The following DYNC1I2 variants were observed in gnomAD, a reference collection of about 807,000 sequenced individuals.
DYNC1I2 encodes the protein cytoplasmic dynein 1 intermediate chain 2.
A neutral mutation model predicts 88.6 loss-of-function variants in DYNC1I2; 53 were observed. That is an observed-to-expected ratio of 0.60 (90% confidence interval 0.48 to 0.75). The LOEUF is 0.75. Ranked by LOEUF, DYNC1I2 falls within the 30% of genes least tolerant of loss-of-function variation. The pLI, the probability that DYNC1I2 is intolerant of heterozygous loss-of-function variation, is 0.00. For missense variants in DYNC1I2, 458 were observed against 766.6 expected (o/e 0.60, Z 4.75); for synonymous variants, 198 against 254.6 (o/e 0.78, Z 2.12).
intron 3 of DYNC1I2, among the ~76,000 whole-genome samples, chr2:171,702,710 A>G (rs1017178678): frequency 4.0e-5 from 6 of 151,702 alleles, no homozygotes; most frequent in African/African-American, 1.2e-4. Context: ...CAAACCTCTC[A>G]TAACTTTTCT....
In DYNC1I2 at chr2:171,749,585, AC is replaced by A. The variant is rs537280174; in HGVS notation, c.*1697del. ...GTAAAAATGACTAAAAGTAGGGAAA[AC>A]AAGTGTTAAAACATAATGGATAAGA... On this transcript the variant is annotated 3_prime_UTR_variant, in exon 18 of 18. Coordinates refer to ENST00000397119, the MANE Select transcript of DYNC1I2 (RefSeq NM_001378.3). Among the ~76,000 whole-genome samples, 46 of 152,278 alleles carry A rather than the reference AC, an allele frequency of 3.0e-4. No individual in the cohort carries two copies. In the East Asian group the frequency reaches 6.7e-3, roughly 22 times the overall value.
chr2:171,711,004 G>A (rs1310675951), intron 5 of DYNC1I2, among the ~76,000 whole-genome samples: 5 of 151,198 alleles, frequency 3.3e-5, no homozygotes, highest in African/African-American at 7.3e-5. Context: ...GTCTCCTAAT[G>A]CTATCCCTCC....
At chr2:171,725,430 T>G (rs1482727105) in intron 7 of DYNC1I2, among the ~76,000 whole-genome samples, 188 bp from the exon 8 acceptor site, 1 of 152,138 alleles carries the variant, frequency 6.6e-6, no homozygotes, top group African/African-American at 2.4e-5. Flanking sequence ...ACTATTTGAT[T>G]ATGTTGATAA....
intron 7 of DYNC1I2, among the ~76,000 whole-genome samples, chr2:171,722,241 C>T (rs1687948603): frequency 6.6e-6 from 1 of 152,130 alleles, no homozygotes; most frequent in African/African-American, 2.4e-5. Flanking sequence ...AACAGCTTTT[C>T]TTTCTGTCTC....
intron 3 of DYNC1I2, among the ~76,000 whole-genome samples, chr2:171,698,609 C>A (rs1188868113): frequency 6.6e-6 from 1 of 152,078 alleles, no homozygotes; most frequent in Non-Finnish European, 1.5e-5. Flanking sequence ...GTGGCTCACA[C>A]CTGTAATCCC....
intron 17 of DYNC1I2, among the ~76,000 whole-genome samples, chr2:171,747,531 TTC>T (rs1362725351): frequency 1.3e-5 from 2 of 152,168 alleles, no homozygotes; most frequent in African/African-American, 4.8e-5. Context: ...ATCATTGTTA[TTC>T]TCTCTTGCAT....
chr2:171,717,375 A>C (rs2105618453), intron 7 of DYNC1I2, among the ~76,000 whole-genome samples: 1 of 152,226 alleles, frequency 6.6e-6, no homozygotes, highest in East Asian at 1.9e-4. Flanking sequence ...TCGGCCTCCC[A>C]AAGTGCTGGG....
chr2:171,725,718 C>G lies in DYNC1I2; in HGVS notation c.607+5C>G. ...ATGAGGAAAATGATAGTAAAGGTAT[C>G]TTAAGGAATTAAACTTTAAAACATT... On this transcript the variant is annotated splice_donor_5th_base_variant and intron_variant, in intron 8 of 17. Transcript: ENST00000397119. 1 of 1,524,758 alleles carries G rather than the reference C, an allele frequency of 6.6e-7. No homozygotes were observed. The allele number at this position is 1,524,758 out of a possible 1,614,324, so 94.5% of individuals were successfully genotyped here.
chr2:171,727,594 T>C (rs1688336067), intron 11 of DYNC1I2, among the ~76,000 whole-genome samples: 1 of 152,162 alleles, frequency 6.6e-6, no homozygotes, highest in South Asian at 2.1e-4. Flanking sequence ...TAAACCTACT[T>C]AATAGTAAAC....
intron 3 of DYNC1I2, among the ~76,000 whole-genome samples, chr2:171,697,856 GAAA>G (rs202238508): frequency 2.3e-4 from 3 of 13,290 alleles, no homozygotes; most frequent in Non-Finnish European, 5.5e-4. Context: ...CCTATCTCAA[GAAA>G]AGAAAAGAAA....
At chr2:171,733,177 T>G (rs1220969045) in intron 15 of DYNC1I2, among the ~76,000 whole-genome samples, 1 of 152,236 alleles carries the variant, frequency 6.6e-6, no homozygotes, top group Non-Finnish European at 1.5e-5. Flanking sequence ...ATGATCTCAT[T>G]CCTTCTTATG....
At chr2:171,695,808 C>T (rs1685727702) in intron 3 of DYNC1I2, among the ~76,000 whole-genome samples, 1 of 149,054 alleles carries the variant, frequency 6.7e-6, no homozygotes, top group Non-Finnish European at 1.5e-5. Flanking sequence ...CAAAGTTTAC[C>T]CGCCCGCTAC....
At chr2:171,742,166 AT>A (rs1043821888) in intron 15 of DYNC1I2, among the ~76,000 whole-genome samples, 1 of 150,666 alleles carries the variant, frequency 6.6e-6, no homozygotes, top group African/African-American at 2.4e-5. Flanking sequence ...ATCCAACTTT[AT>A]TTTTTTTATT....
intron 7 of DYNC1I2, among the ~76,000 whole-genome samples, chr2:171,717,549 G>A (rs558140134): frequency 8.5e-5 from 13 of 152,198 alleles, no homozygotes; most frequent in Non-Finnish European, 1.6e-4. Flanking sequence ...CACACTGATG[G>A]TAAACTTGCT....
intron 3 of DYNC1I2, among the ~76,000 whole-genome samples, chr2:171,701,362 G>T (rs766008566): frequency 6.6e-6 from 1 of 152,090 alleles, no homozygotes; most frequent in Non-Finnish European, 1.5e-5. Flanking sequence ...TAGAGACGGG[G>T]TTTCACCATG....
intron 3 of DYNC1I2, among the ~76,000 whole-genome samples, chr2:171,706,034 T>C (rs1686655388): frequency 6.6e-6 from 1 of 152,106 alleles, no homozygotes; most frequent in Admixed American, 6.6e-5. Context: ...ATTATACATT[T>C]TGATAGATTA....
intron 15 of DYNC1I2, among the ~76,000 whole-genome samples, chr2:171,737,228 C>T (rs1490941598): frequency 1.3e-5 from 2 of 152,098 alleles, no homozygotes; most frequent in African/African-American, 2.4e-5. Context: ...TGTTTGTGTC[C>T]GAATTTTTCT....
At chr2:171,714,482 T>A (rs1329428123) in intron 6 of DYNC1I2, among the ~76,000 whole-genome samples, 1 of 152,130 alleles carries the variant, frequency 6.6e-6, no homozygotes, top group Non-Finnish European at 1.5e-5. Context: ...CACTGAGAAC[T>A]TTTTTGGGAG....
At chr2:171,735,745 G>A (rs745489014) in intron 15 of DYNC1I2, among the ~76,000 whole-genome samples, 1 of 152,176 alleles carries the variant, frequency 6.6e-6, no homozygotes, top group Non-Finnish European at 1.5e-5. Context: ...CTTCTGCAGG[G>A]TAACAAGGAT....
Sources: allele counts gnomAD v4.1 joint callset (sites outside exome capture counted in the v4.1 genomes callset), GRCh38; gene constraint gnomAD v4.1.1; transcripts MANE v1.5; gene names NCBI Gene and HGNC (gene_info 2026-07-23, HGNC 2026-07-21).